CCDC191: variants seen among roughly 807,000 people sequenced by gnomAD.
The protein encoded by CCDC191 is coiled-coil domain-containing protein 191.
In CCDC191, 99 loss-of-function variants were observed where a neutral mutation model predicts 114.0. The ratio of observed to expected loss-of-function variants is 0.87; its 90% CI spans 0.74 to 1.03. CCDC191 has a LOEUF of 1.03. CCDC191 is among the 50% of genes least tolerant of loss of function. The pLI, the probability that CCDC191 is intolerant of heterozygous loss-of-function variation, is 0.00. For missense variants in CCDC191, 973 were observed against 1,087.0 expected (o/e 0.90, Z 1.47); for synonymous variants, 351 against 376.0 (o/e 0.93, Z 0.77).
At chr3:113,971,112 C>CT (rs1490479363) in intron 16 of CCDC191, among the ~76,000 whole-genome samples, 1 of 152,170 alleles carries the variant, frequency 6.6e-6, no homozygotes, top group African/African-American at 2.4e-5. Flanking sequence ...AATGGTATTT[C>CT]TAGTTCTAGA....
Position 114,036,824 on chromosome 3 carries a change from A to T in CCDC191, c.416-38T>A, listed in dbSNP as rs3732784. Reference sequence around the variant, plus strand: ...GAACAACAAAAAAGGGAATTTTTTTAAAAAATTAATTTTAGTATTATATTC... The same window carrying T: ...GAACAACAAAAAAGGGAATTTTTTTTAAAAATTAATTTTAGTATTATATTC... On this transcript the variant is annotated intron_variant, in intron 4 of 16. Transcript: ENST00000295878. 2.7e-4 allele frequency: 368 copies of T among 1,382,116 alleles called. 1 individual carries two copies. In the East Asian group the frequency reaches 6.9e-3, roughly 26 times the overall value. The allele number at this position is 1,382,116 out of a possible 1,614,324, so 85.6% of individuals were successfully genotyped here. A position where few individuals can be genotyped will look rare whatever the true frequency, so the allele number is the denominator to read the frequency against.
intron 16 of CCDC191, among the ~76,000 whole-genome samples, chr3:113,974,574 C>T (rs1365627296): frequency 3.3e-5 from 5 of 152,182 alleles, no homozygotes; most frequent in Non-Finnish European, 5.9e-5. Context: ...CCCACCTTGG[C>T]CTCCCAAAGT....
In CCDC191 at chr3:114,036,650, C is replaced by A; in HGVS notation, c.552G>T (p.Gln184His). 1 of 1,605,234 alleles carries A rather than the reference C, an allele frequency of 6.2e-7. No homozygotes were observed. Among genetic ancestry groups the A allele is most frequent in the African/African-American group, 1.3e-5 (1 of 74,502 alleles). Residue 184 changes from glutamine to histidine, a missense_variant, in exon 5 of 17, where the codon CAG (glutamine) becomes CAT (histidine). Coordinates refer to ENST00000295878, the MANE Select transcript of CCDC191 (RefSeq NM_020817.2). ...CCATGGTAAGACGAGGATCCTTCTG[C>A]TGCTTCTTGTCTTGGTTTTCCTTCC... ...LGRKENQDKK[Q>H]QKDPRLTMEM...
intron 7 of CCDC191, among the ~76,000 whole-genome samples, chr3:114,027,811 T>A (rs1188212693): frequency 1.3e-5 from 2 of 152,194 alleles, no homozygotes; most frequent in Admixed American, 1.3e-4. Context: ...AGTCACTCCC[T>A]GCAAGGCAGC....
At chr3:114,031,603 T>C (rs778509339) in intron 7 of CCDC191, 23 bp downstream of exon 7, 4 of 1,581,802 alleles carry the variant, frequency 2.5e-6, no homozygotes, top group Non-Finnish European at 2.6e-6. Flanking sequence ...GAATGCTGAG[T>C]AAAGAGACAT....
At chr3:113,989,413 C>G (rs2107632492) in intron 13 of CCDC191, among the ~76,000 whole-genome samples, 1 of 152,252 alleles carries the variant, frequency 6.6e-6, no homozygotes, top group East Asian at 1.9e-4. Context: ...TATTCTGGGT[C>G]ATAAAGCAAA....
intron 13 of CCDC191, among the ~76,000 whole-genome samples, chr3:113,988,281 G>T (rs886441747): frequency 6.6e-5 from 10 of 151,536 alleles, no homozygotes; most frequent in Non-Finnish European, 1.5e-4. Flanking sequence ...GGAGCACGAG[G>T]TCAGGAGTTT....
intron 13 of CCDC191, among the ~76,000 whole-genome samples, chr3:114,000,935 G>A (rs1387414604): frequency 6.6e-6 from 1 of 152,068 alleles, no homozygotes; most frequent in Non-Finnish European, 1.5e-5. Flanking sequence ...GATTACAGGT[G>A]TGAGCCACAA....
intron 4 of CCDC191, among the ~76,000 whole-genome samples, chr3:114,040,752 G>C (rs1217460280): frequency 6.6e-6 from 1 of 152,024 alleles, no homozygotes; most frequent in Non-Finnish European, 1.5e-5. Flanking sequence ...TTGGACTGGA[G>C]TGTTTAATTA....
In CCDC191 at chr3:113,965,279, C is replaced by T. The variant is rs144192553; in HGVS notation, c.2687G>A (p.Arg896Gln). The change falls in exon 17 of 17, where the codon CGA becomes CAA. Residue 896 changes from arginine to glutamine, a missense_variant. Arg to Gln is a conservative substitution (Grantham distance 43). Transcript: ENST00000295878. ...MKEERVKEER[R>Q]QQLRRKVVEI... ...AACTACCTTCCTACGAAGTTGCTGT[C>T]GCCTTTCTTCTTTTACTCTTTCCTC... 156 of 1,612,432 alleles carry T rather than the reference C, an allele frequency of 9.7e-5. 1 individual carries two copies. The highest frequency in any genetic ancestry group is 1.2e-4 in the Non-Finnish European group (147 of 1,179,192).
intron 7 of CCDC191, among the ~76,000 whole-genome samples, chr3:114,024,593 C>T (rs373796021): frequency 6.6e-6 from 1 of 151,786 alleles, no homozygotes. Context: ...AGCAAACTAT[C>T]GCAAGGACAA....
chr3:114,005,561 G>A lies in CCDC191; in HGVS notation c.1815C>T (p.His605=). The change falls in exon 10 of 17, where the codon CAC becomes CAT. Residue 605 remains histidine (H), a synonymous_variant. Coordinates refer to ENST00000295878, the MANE Select transcript of CCDC191 (RefSeq NM_020817.2). ...HALAVTEAQS[H]LLSKPREEEP... The stretch of plus-strand genomic sequence containing the variant: ...CCTCTTCTCTGGGCTTTGACAGCAG[G>A]TGGCTCTGTGCTTCTGTGACTGCTA... 6.2e-7 allele frequency: 1 copy of A among 1,613,954 alleles called. No homozygotes were observed. The highest frequency in any genetic ancestry group is 8.5e-7 in the Non-Finnish European group (1 of 1,179,966).
intron 6 of CCDC191, among the ~76,000 whole-genome samples, chr3:114,034,179 C>T (rs1224278362): frequency 6.6e-6 from 1 of 152,088 alleles, no homozygotes; most frequent in Non-Finnish European, 1.5e-5. Flanking sequence ...GGTGACTTTC[C>T]ATATGTTTAT....
intron 2 of CCDC191, among the ~76,000 whole-genome samples, chr3:114,047,793 G>A (rs1398734582): frequency 1.3e-5 from 2 of 151,988 alleles, no homozygotes; most frequent in African/African-American, 2.4e-5. Flanking sequence ...TGGCCAACAC[G>A]GTGAAACCCT....
intron 2 of CCDC191, among the ~76,000 whole-genome samples, chr3:114,052,318 C>G (rs1367621540): frequency 6.6e-6 from 1 of 152,072 alleles, no homozygotes; most frequent in Non-Finnish European, 1.5e-5. Flanking sequence ...ACAGACAAAT[C>G]AGAGCAAAAT....
chr3:114,042,942 C>T (rs2076582787), intron 3 of CCDC191, 96 bp from the exon 4 acceptor site: 3 of 1,169,752 alleles, frequency 2.6e-6, no homozygotes, highest in Admixed American at 2.5e-5. Context: ...AATTGAGTAC[C>T]TATCGTGTCA....
intron 13 of CCDC191, 87 bp from the exon 14 acceptor site, chr3:113,980,880 T>C: frequency 8.1e-7 from 1 of 1,231,312 alleles, no homozygotes; most frequent in East Asian, 2.4e-5. Context: ...AATTTGAACA[T>C]GTAACCATTG....
chr3:113,981,045 C>T (rs1233432450), intron 13 of CCDC191, among the ~76,000 whole-genome samples: 2 of 152,128 alleles, frequency 1.3e-5, no homozygotes, highest in Admixed American at 6.6e-5. Context: ...GTATTGTTCA[C>T]AGAAATAATT....
intron 7 of CCDC191, among the ~76,000 whole-genome samples, chr3:114,024,691 G>C (rs2076294335): frequency 1.3e-5 from 2 of 152,220 alleles, no homozygotes; most frequent in South Asian, 4.1e-4. Flanking sequence ...CACACACCAG[G>C]GGCTGTTGTG....
Sources: gnomAD v4.1 joint callset for allele counts (sites outside exome capture counted in the v4.1 genomes callset) on GRCh38, gnomAD v4.1.1 for gene constraint, MANE v1.5 for transcripts, NCBI Gene and HGNC (gene_info 2026-07-23, HGNC 2026-07-21) for gene names.